CAMK2D: variants seen among roughly 807,000 people sequenced by gnomAD.
The protein encoded by CAMK2D is calcium/calmodulin dependent protein kinase II delta.
In CAMK2D, 37 loss-of-function variants were observed where a neutral mutation model predicts 84.0. That is an observed-to-expected ratio of 0.44 (90% CI 0.34 to 0.58). CAMK2D has a LOEUF of 0.58. Among genes scored for constraint, CAMK2D ranks in the 20% least tolerant of loss-of-function variants. CAMK2D has a pLI of 0.02. For synonymous variants in CAMK2D, 202 were observed against 212.5 expected, an observed-to-expected ratio of 0.95 and a Z score of 0.43; for missense variants, 448 against 652.5, an observed-to-expected ratio of 0.69 and a Z score of 3.41.
At chr4:113,574,088 C>T (rs774972374) in intron 4 of CAMK2D, among the ~76,000 whole-genome samples, 1 of 152,172 alleles carries the variant, frequency 6.6e-6, no homozygotes, top group African/African-American at 2.4e-5. Context: ...GCACCAATCA[C>T]GCTAAATCCT....
intron 3 of CAMK2D, among the ~76,000 whole-genome samples, chr4:113,648,168 C>A (rs1361021534): frequency 1.3e-5 from 2 of 152,030 alleles, no homozygotes; most frequent in African/African-American, 4.8e-5. Flanking sequence ...AAAAAGAAGC[C>A]TATACTGCAT....
chr4:113,643,950 A>G (rs1009297771), intron 3 of CAMK2D, among the ~76,000 whole-genome samples: 3 of 152,230 alleles, frequency 2.0e-5, no homozygotes, highest in Non-Finnish European at 4.4e-5. Flanking sequence ...AATTCTCTTC[A>G]TGAGATATTT....
At chr4:113,644,795 A>G (rs985079451) in intron 3 of CAMK2D, among the ~76,000 whole-genome samples, 4 of 152,176 alleles carry the variant, frequency 2.6e-5, no homozygotes, top group African/African-American at 9.7e-5. Flanking sequence ...TTCAGAATCT[A>G]CAAAGTGGCC....
chr4:113,655,524 C>T (rs145256862), intron 3 of CAMK2D, among the ~76,000 whole-genome samples: 152 of 152,158 alleles, frequency 1.0e-3, no homozygotes, highest in African/African-American at 3.3e-3. Flanking sequence ...TAATGGGAAA[C>T]GCTTACCTTA....
intron 4 of CAMK2D, among the ~76,000 whole-genome samples, chr4:113,580,852 A>C (rs1337970603): frequency 6.8e-6 from 1 of 148,054 alleles, no homozygotes; most frequent in Non-Finnish European, 1.5e-5. Context: ...GCTATACTAT[A>C]GTATTCAGAA....
At chr4:113,701,726 T>C (rs1033635800) in intron 2 of CAMK2D, among the ~76,000 whole-genome samples, 2 of 152,174 alleles carry the variant, frequency 1.3e-5, no homozygotes, top group Non-Finnish European at 2.9e-5. Context: ...TTGTTTTTTT[T>C]TGAAACAGGA....
intron 6 of CAMK2D, among the ~76,000 whole-genome samples, chr4:113,542,892 T>C (rs1410130515): frequency 1.3e-5 from 2 of 152,212 alleles, no homozygotes; most frequent in Non-Finnish European, 2.9e-5. Flanking sequence ...CATATTCATC[T>C]ATCCATCCGT....
intron 2 of CAMK2D, among the ~76,000 whole-genome samples, chr4:113,692,878 T>G (rs974674838): frequency 1.3e-5 from 2 of 152,060 alleles, no homozygotes; most frequent in Non-Finnish European, 2.9e-5. Flanking sequence ...ATTATCTTCA[T>G]AGACTATCAC....
rs1022986022 is a variant in CAMK2D, at chr4:113,462,254, G to A, written c.1212-2013C>T. 2.0e-5 allele frequency among the ~76,000 whole-genome samples: 3 copies of A among 146,800 alleles called. No homozygotes were observed. In the East Asian group the frequency reaches 6.0e-4, roughly 29 times the overall value. ...CTTACCCAGCCATGAAAAAGAGTCA[G>A]TATATTTGGAAATGTGTGTGTGTGT... On this transcript the variant is annotated intron_variant, in intron 17 of 20. Transcript: ENST00000511664.
At chr4:113,704,876 C>T (rs2099438994) in intron 2 of CAMK2D, among the ~76,000 whole-genome samples, 1 of 151,860 alleles carries the variant, frequency 6.6e-6, no homozygotes, top group South Asian at 2.1e-4. Context: ...CAAGAACAAG[C>T]TGCCTGAATA....
chr4:113,649,208 G>C (rs1169215671), intron 3 of CAMK2D, among the ~76,000 whole-genome samples: 3 of 152,088 alleles, frequency 2.0e-5, no homozygotes, highest in Non-Finnish European at 2.9e-5. Context: ...ACTTTCAGAT[G>C]CTCTTTCAAC....
intron 2 of CAMK2D, chr4:113,755,197 C>CACACAT (rs111632254): frequency 0.038 from 10,145 of 266,210 alleles, 918 homozygotes; most frequent in African/African-American, 0.2. Flanking sequence ...CACACACACA[C>CACACAT]ACACACACAC....
At chr4:113,552,125 T>A in intron 4 of CAMK2D, 29 bp from the exon 5 acceptor site, 2 of 1,310,808 alleles carry the variant, frequency 1.5e-6, no homozygotes, top group Admixed American at 1.9e-5. Context: ...TAATCACTTT[T>A]AAAAAGAAGC....
At chr4:113,543,557 C>T (rs2098545801) in intron 6 of CAMK2D, among the ~76,000 whole-genome samples, 1 of 151,880 alleles carries the variant, frequency 6.6e-6, no homozygotes, top group African/African-American at 2.4e-5. Context: ...AATTCAATGG[C>T]CAGCAGGGTT....
chr4:113,744,156 A>C (rs1304372419), intron 2 of CAMK2D, among the ~76,000 whole-genome samples: 1 of 152,186 alleles, frequency 6.6e-6, no homozygotes, highest in Non-Finnish European at 1.5e-5. Context: ...TTTGTTAAAC[A>C]AGCAAGCTTT....
chr4:113,645,923 C>G (rs1332511410), intron 3 of CAMK2D, among the ~76,000 whole-genome samples: 1 of 152,114 alleles, frequency 6.6e-6, no homozygotes, highest in Non-Finnish European at 1.5e-5. Context: ...AGGGTCTGGG[C>G]CAAGATTCCA....
chr4:113,692,749 T>TATAC (rs1317681800), intron 2 of CAMK2D, among the ~76,000 whole-genome samples: 1 of 150,956 alleles, frequency 6.6e-6, no homozygotes, highest in African/African-American at 2.4e-5. Context: ...CATATTCATA[T>TATAC]ATACATACAT....
At chr4:113,555,740 T>C (rs1319846614) in intron 4 of CAMK2D, among the ~76,000 whole-genome samples, 1 of 152,112 alleles carries the variant, frequency 6.6e-6, no homozygotes, top group East Asian at 1.9e-4. Flanking sequence ...TAAATATTCA[T>C]TGGGTGCTTA....
At chr4:113,726,165 G>A (rs944154861) in intron 2 of CAMK2D, among the ~76,000 whole-genome samples, 3 of 151,982 alleles carry the variant, frequency 2.0e-5, no homozygotes, top group Admixed American at 2.0e-4. Flanking sequence ...ATCCTCTGAG[G>A]TACATATTAT....
Sources: gnomAD v4.1 joint callset for allele counts (sites outside exome capture counted in the v4.1 genomes callset) on GRCh38, gnomAD v4.1.1 for gene constraint, MANE v1.5 for transcripts, NCBI Gene and HGNC (gene_info 2026-07-23, HGNC 2026-07-21) for gene names.